The following HRH1 variants were observed in gnomAD, a reference collection of about 807,000 sequenced individuals.
HRH1 encodes histamine H1 receptor.
A neutral mutation model predicts 10.3 loss-of-function variants in HRH1; 6 were observed. The observed-to-expected ratio is 0.58, with a 90% CI of 0.32 to 1.15. HRH1 has a LOEUF of 1.15. HRH1 is among the 50% of genes most tolerant of loss of function. The probability of loss-of-function intolerance (pLI) is 0.05; values close to 1 mark genes in which losing one functional copy is unlikely to be tolerated. For synonymous variants in HRH1, 242 were observed against 236.7 expected, an observed-to-expected ratio of 1.02 and a Z score of -0.21; for missense variants, 514 against 615.3, an observed-to-expected ratio of 0.84 and a Z score of 1.74.
At chr3:11,231,360 G>T (rs114964444) in intron 1 of HRH1, among the ~76,000 whole-genome samples, 5,367 of 152,222 alleles carry the variant, frequency 0.035, 162 homozygotes, top group African/African-American at 0.081. Context: ...GTCCACGAGT[G>T]CAATTACTCA....
intron 1 of HRH1, chr3:11,234,650 G>A (rs1045100909): frequency 1.7e-5 from 23 of 1,340,220 alleles, no homozygotes; most frequent in African/African-American, 1.3e-4. Context: ...AATATGATTC[G>A]ATCCTTCCCT....
At chr3:11,256,753 C>T (rs1484786872) in intron 1 of HRH1, among the ~76,000 whole-genome samples, 3 of 151,640 alleles carry the variant, frequency 2.0e-5, no homozygotes, top group Non-Finnish European at 2.9e-5. Context: ...GAACCGAGAT[C>T]GCGCCATTGC....
chr3:11,173,977 T>C (rs1283200039), intron 1 of HRH1, among the ~76,000 whole-genome samples: 3 of 152,216 alleles, frequency 2.0e-5, no homozygotes, highest in Non-Finnish European at 4.4e-5. Context: ...ATTGTAGGGC[T>C]AGGGGTGAGG....
At chr3:11,195,351 T>A (rs574334505) in intron 1 of HRH1, among the ~76,000 whole-genome samples, 1 of 152,286 alleles carries the variant, frequency 6.6e-6, no homozygotes, top group Admixed American at 6.5e-5. Context: ...GGAGAAACCA[T>A]AAACAGCTGT....
intron 1 of HRH1, among the ~76,000 whole-genome samples, chr3:11,182,003 G>C (rs1409093102): frequency 6.6e-6 from 1 of 151,842 alleles, no homozygotes; most frequent in East Asian, 1.9e-4. Context: ...ATGTTTCTGA[G>C]GCGGAGTCTT....
intron 1 of HRH1, among the ~76,000 whole-genome samples, chr3:11,181,845 A>T (rs1264770837): frequency 6.6e-6 from 1 of 151,320 alleles, no homozygotes; most frequent in African/African-American, 2.4e-5. Context: ...GTTAGCCAGG[A>T]TGGTCTCGAT....
In HRH1 at chr3:11,262,030, T is replaced by G. The variant is rs544932951; in HGVS notation, c.*1529T>G. 3.6e-5 allele frequency: 6 copies of G among 167,154 alleles called. No individual in the cohort carries two copies. Among genetic ancestry groups the G allele is most frequent in the Middle Eastern group, 3.4e-3 (1 of 296 alleles). The allele number at this position is 167,154 out of a possible 1,614,324, so 10.4% of individuals were successfully genotyped here. ...GTGCATTTTTATCTGTGAGTTCTGT[T>G]GTGTTTGTCAAAAAGTCATTGTAAT... On this transcript the variant is annotated 3_prime_UTR_variant, in exon 2 of 2. Transcript: ENST00000431010.
At position 11,259,728 on chromosome 3, in the gene HRH1, C is replaced by T. The variant is rs751220140; in HGVS notation, c.691C>T (p.Leu231Phe). ...CQHRELINRS[L>F]PSFSEIKLRP... Reference sequence around the variant, plus strand: ...GCACCGGGAGCTCATCAATAGGTCCCTCCCTTCCTTCTCAGAAATTAAGCT... The same window carrying T: ...GCACCGGGAGCTCATCAATAGGTCCTTCCCTTCCTTCTCAGAAATTAAGCT... The change falls in exon 2 of 2, where the codon CTC (leucine) becomes TTC (phenylalanine). Residue 231 changes from leucine to phenylalanine, a missense_variant. Leu to Phe is a conservative substitution (Grantham distance 22). Coordinates refer to ENST00000431010, the MANE Select transcript of HRH1 (RefSeq NM_001098212.2). The surrounding 1 kb of genome is among the most constrained non-coding windows in gnomAD (Gnocchi z 4.6). 1.2e-6 allele frequency: 2 copies of T among 1,614,088 alleles called. No homozygotes were observed. Among genetic ancestry groups the T allele is most frequent in the Admixed American group, 1.7e-5 (1 of 60,018 alleles).
At chr3:11,257,267 A>G (rs2152589278) in intron 1 of HRH1, among the ~76,000 whole-genome samples, 1 of 150,572 alleles carries the variant, frequency 6.6e-6, no homozygotes, top group East Asian at 2.0e-4. Context: ...AAAAAAAAAA[A>G]AAAAATGGCT....
intron 1 of HRH1, among the ~76,000 whole-genome samples, chr3:11,200,641 T>G (rs762174359): frequency 2.0e-5 from 3 of 152,176 alleles, no homozygotes; most frequent in Admixed American, 6.5e-5. Context: ...ATCCCCACAC[T>G]TATACCTCGC....
chr3:11,172,342 C>T (rs1937167120), intron 1 of HRH1, among the ~76,000 whole-genome samples: 1 of 152,204 alleles, frequency 6.6e-6, no homozygotes, highest in Non-Finnish European at 1.5e-5. Context: ...GGTCACACTG[C>T]CCCAGCCCTC....
chr3:11,210,418 T>A (rs1938288018), intron 1 of HRH1, among the ~76,000 whole-genome samples: 1 of 151,256 alleles, frequency 6.6e-6, no homozygotes. Flanking sequence ...ATAAATGGGG[T>A]TAATAATCCC....
chr3:11,144,484 C>CCTATAGACATATAGACAT (rs1559249839), intron 1 of HRH1, among the ~76,000 whole-genome samples: 5 of 21,080 alleles, frequency 2.4e-4, no homozygotes, highest in African/African-American at 5.7e-4. Flanking sequence ...CATATATATA[C>CCTATAGACATATAGACAT]ACACACACAC....
chr3:11,217,298 G>A (rs1203809152), intron 1 of HRH1, among the ~76,000 whole-genome samples: 1 of 152,060 alleles, frequency 6.6e-6, no homozygotes, highest in East Asian at 1.9e-4. Flanking sequence ...GGAGGGCTGA[G>A]GCAGGCGGAT....
At chr3:11,253,421 C>G (rs1168632132) in intron 1 of HRH1, among the ~76,000 whole-genome samples, 4 of 152,172 alleles carry the variant, frequency 2.6e-5, no homozygotes, top group Non-Finnish European at 1.5e-5. Flanking sequence ...TCTGTGATTT[C>G]TTAGTAATAT....
intron 1 of HRH1, among the ~76,000 whole-genome samples, chr3:11,193,675 G>C (rs1339467372): frequency 6.6e-6 from 1 of 152,174 alleles, no homozygotes; most frequent in Non-Finnish European, 1.5e-5. Context: ...TCTGGAGGCT[G>C]GGAAGTCCAA....
At position 11,186,189 on chromosome 3, in the gene HRH1, G is replaced by A. The variant is rs542671107; in HGVS notation, c.-36+31635G>A. On this transcript the variant is annotated intron_variant, in intron 1 of 1. Coordinates refer to ENST00000431010, the MANE Select transcript of HRH1 (RefSeq NM_001098212.2). ...CAACTCCACCTTTTCCTGTTTCTAG[G>A]GACCTACCTGTAGGAGTTCTATACC... Among the ~76,000 whole-genome samples, 20 of 152,174 alleles carry A rather than the reference G, an allele frequency of 1.3e-4. No homozygotes were observed. In the South Asian group the frequency reaches 4.2e-3, roughly 32 times the overall value.
At chr3:11,233,772 C>T (rs1210595735) in intron 1 of HRH1, among the ~76,000 whole-genome samples, 1 of 152,184 alleles carries the variant, frequency 6.6e-6, no homozygotes, top group Non-Finnish European at 1.5e-5. Flanking sequence ...GATGGGTTTG[C>T]AGAAATCGTA....
At chr3:11,191,329 G>A (rs985063372) in intron 1 of HRH1, among the ~76,000 whole-genome samples, 3 of 152,300 alleles carry the variant, frequency 2.0e-5, no homozygotes, top group East Asian at 1.9e-4. Flanking sequence ...TCCATGTCAA[G>A]CATGTTAGTT....
Sources: gnomAD v4.1 joint callset for allele counts (sites outside exome capture counted in the v4.1 genomes callset) on GRCh38, gnomAD v4.1.1 for gene constraint, Gnocchi (gnomAD v3.1) non-coding constraint, MANE v1.5 for transcripts, NCBI Gene and HGNC (gene_info 2026-07-23, HGNC 2026-07-21) for gene names.